The following DEAF1 variants were observed in gnomAD, a reference collection of about 807,000 sequenced individuals.
DEAF1 encodes the protein DEAF1 transcription factor, also known as deformed epidermal autoregulatory factor 1 homolog.
DEAF1 carries 53 observed loss-of-function variants against 58.9 expected under a neutral mutation model. That is an observed-to-expected ratio of 0.90 (90% CI 0.72 to 1.13). The LOEUF (loss-of-function observed/expected upper bound fraction) is 1.13, where lower values mean the gene tolerates loss of function less well. DEAF1 is among the 50% of genes most tolerant of loss of function. The pLI is 0.00. For missense variants in DEAF1, 685 were observed against 791.4 expected, an observed-to-expected ratio of 0.87 and a Z score of 1.61; for synonymous variants, 385 against 340.4, an observed-to-expected ratio of 1.13 and a Z score of -1.44.
chr11:698,875 G>A (rs1246476552), upstream of DEAF1: 2 of 1,614,172 alleles, frequency 1.2e-6, no homozygotes, highest in African/African-American at 1.3e-5. Context: ...TCAGGGAGAG[G>A]ATCCTCCACA....
At chr11:679,876 C>A in intron 7 of DEAF1, 60 bp from the exon 8 acceptor site, 1 of 1,604,962 alleles carries the variant, frequency 6.2e-7, no homozygotes, top group South Asian at 1.1e-5. Context: ...CACACAGGTC[C>A]CGTGCCACCC....
intron 10 of DEAF1, among the ~76,000 whole-genome samples, chr11:662,799 C>T (rs151175213): frequency 2.8e-3 from 423 of 152,302 alleles, no homozygotes; most frequent in Non-Finnish European, 4.7e-3. Context: ...TTTGCTGGAA[C>T]GGCTGCATGC....
intron 10 of DEAF1, among the ~76,000 whole-genome samples, chr11:670,805 T>C (rs1457915251): frequency 1.1e-4 from 16 of 142,240 alleles, no homozygotes; most frequent in African/African-American, 4.2e-4. Context: ...TGAGACGAGG[T>C]CTCACTCTGT....
Position 686,854 on chromosome 11 carries a change from A to G in DEAF1, c.804+4T>C. The stretch of plus-strand genomic sequence containing the variant: ...CTGAGCACAGGTGAGGTCACGGACG[A>G]TACCTGGATGAGGCACTGCAAGGGT... On this transcript the variant is annotated splice_donor_region_variant and intron_variant, in intron 5 of 11. Coordinates refer to ENST00000382409, the MANE Select transcript of DEAF1 (RefSeq NM_021008.4). 1 of 1,614,152 alleles carries G rather than the reference A, an allele frequency of 6.2e-7. No individual in the cohort carries two copies. The highest frequency in any genetic ancestry group is 2.2e-5 in the East Asian group (1 of 44,876).
rs190738207 is a variant in DEAF1, at chr11:655,822, T to C, written c.1504-1771A>G. Among the ~76,000 whole-genome samples, 1,191 of 132,804 alleles carry C rather than the reference T, an allele frequency of 9.0e-3. 15 individuals are homozygous for C. Among genetic ancestry groups the C allele is most frequent in the African/African-American group, 0.029 (1,140 of 39,790 alleles). The allele number at this position is 132,804 out of a possible 152,430, so 87.1% of individuals were successfully genotyped here. The stretch of plus-strand genomic sequence containing the variant: ...TTTAGGTTGCCCCCTGCCTCTACTT[T>C]ATTTATTTATTATTATTATTATTTT... On this transcript the variant is annotated intron_variant, in intron 10 of 11. Transcript: ENST00000382409.
chr11:680,529 G>GA (rs559797932), intron 7 of DEAF1, among the ~76,000 whole-genome samples: 185 of 152,334 alleles, frequency 1.2e-3, no homozygotes, highest in Non-Finnish European at 2.1e-3. Flanking sequence ...AGCAGTGCCT[G>GA]AGCCTGGGAG....
At chr11:674,956 A>T (rs1859990700) in intron 9 of DEAF1, among the ~76,000 whole-genome samples, 173 bp from the exon 10 acceptor site, 2 of 152,002 alleles carry the variant, frequency 1.3e-5, no homozygotes, top group African/African-American at 4.8e-5. Flanking sequence ...CATCCTGGCT[A>T]ACAGTGAAAC....
Position 678,842 on chromosome 11 carries a change from C to CA in DEAF1, c.1127-21dup. Reference sequence around the variant, plus strand: ...CTTGGACTGTTGGGGAGAAAAAGGACAGGGAGGCTCGGGATGGTTGTCCGC... The same window carrying CA: ...CTTGGACTGTTGGGGAGAAAAAGGACAAGGGAGGCTCGGGATGGTTGTCCGC... On this transcript the variant is annotated intron_variant, in intron 8 of 11. Transcript: ENST00000382409. The CA allele has an allele frequency of 6.2e-7, 1 of 1,613,060 alleles. No individual in the cohort carries two copies. Among genetic ancestry groups the CA allele is most frequent in the Non-Finnish European group, 8.5e-7 (1 of 1,179,198 alleles).
chr11:685,051 CA>C, intron 5 of DEAF1, 88 bp from the exon 6 acceptor site: 1 of 984,462 alleles, frequency 1.0e-6, no homozygotes, highest in East Asian at 2.7e-5. Flanking sequence ...CCACTTTTAC[CA>C]CTTACCTACC....
chr11:661,981 AAC>A (rs1249413729), intron 10 of DEAF1, among the ~76,000 whole-genome samples: 2 of 152,188 alleles, frequency 1.3e-5, no homozygotes, highest in Non-Finnish European at 2.9e-5. Flanking sequence ...CATGAGGCCC[AAC>A]ACACATTCGT....
At chr11:703,453 G>A (rs1861591826) in intron 1 of DEAF1, 2 of 1,275,972 alleles carry the variant, frequency 1.6e-6, no homozygotes, top group East Asian at 6.1e-5. Flanking sequence ...TTAGCAGCCA[G>A]GCCTCCACAG....
At chr11:646,252 C>CAGA (rs1739725605) in intron 11 of DEAF1, 3 of 81,184 alleles carry the variant, frequency 3.7e-5, no homozygotes, top group African/African-American at 1.5e-4. Context: ...GACTACGTCT[C>CAGA]AAAAAAAAAA....
At chr11:697,119 C>G (rs1332962334), upstream of DEAF1, among the ~76,000 whole-genome samples, 1 of 138,478 alleles carries the variant, frequency 7.2e-6, no homozygotes, top group African/African-American at 2.7e-5. Flanking sequence ...AAAAAATTAC[C>G]TCAGGGAGCC....
intron 10 of DEAF1, among the ~76,000 whole-genome samples, chr11:655,228 T>C (rs1858984501): frequency 6.6e-6 from 1 of 152,208 alleles, no homozygotes. Flanking sequence ...GTGGCAGGCA[T>C]GTGTCCCAAA....
chr11:703,275 T>TGGATGGTTCC, intron 1 of DEAF1: 1 of 1,445,424 alleles, frequency 6.9e-7, no homozygotes, highest in Non-Finnish European at 9.1e-7. Context: ...TAGATGGTTT[T>TGGATGGTTCC]GGATGGTTCC....
At chr11:670,191 C>T (rs1203599127) in intron 10 of DEAF1, among the ~76,000 whole-genome samples, 1 of 151,874 alleles carries the variant, frequency 6.6e-6, no homozygotes, top group Non-Finnish European at 1.5e-5. Flanking sequence ...CAGGTTCATG[C>T]ATTCATCAAA....
chr11:693,306 G>A (rs939162471), intron 1 of DEAF1, among the ~76,000 whole-genome samples: 1 of 152,032 alleles, frequency 6.6e-6, no homozygotes, highest in Non-Finnish European at 1.5e-5. Context: ...AGCGACGGAC[G>A]CCAACCCCTG....
chr11:703,307 AGCAGGAGCCAGG>A, intron 1 of DEAF1: 1 of 1,423,398 alleles, frequency 7.0e-7, no homozygotes, highest in Non-Finnish European at 9.2e-7. Context: ...CAGGAGTGGG[AGCAGGAGCCAGG>A]GCAGAACAAA....
At chr11:704,032 T>C in intron 1 of DEAF1, 2 of 1,193,410 alleles carry the variant, frequency 1.7e-6, no homozygotes, top group Non-Finnish European at 2.1e-6. Flanking sequence ...CTTGATTCTA[T>C]TGTGTGTTTT....
Sources: allele counts gnomAD v4.1 joint callset (sites outside exome capture counted in the v4.1 genomes callset), GRCh38; gene constraint gnomAD v4.1.1; transcripts MANE v1.5; gene names NCBI Gene and HGNC (gene_info 2026-07-23, HGNC 2026-07-21).